ANGPT1: variants seen among roughly 807,000 people sequenced by gnomAD.
ANGPT1 encodes angiopoietin 1.
Under a neutral mutation model 62.2 loss-of-function variants are expected in ANGPT1, and 17 were observed. The observed-to-expected ratio is 0.27, with a 90% CI of 0.19 to 0.41. The LOEUF is 0.41. ANGPT1 is among the 10% of genes least tolerant of loss of function. The pLI is 1.00. For synonymous variants in ANGPT1, 199 were observed against 198.9 expected (o/e 1.00, Z 0.00); for missense variants, 478 against 594.9 (o/e 0.80, Z 2.04).
intron 1 of ANGPT1, among the ~76,000 whole-genome samples, chr8:107,358,541 A>C (rs201657882): frequency 6.6e-6 from 1 of 152,202 alleles, no homozygotes; most frequent in African/African-American, 2.4e-5. Flanking sequence ...AGAATTAACC[A>C]TACACCACAA....
intron 1 of ANGPT1, among the ~76,000 whole-genome samples, chr8:107,357,862 G>T (rs761526253): frequency 6.6e-6 from 1 of 152,054 alleles, no homozygotes; most frequent in South Asian, 2.1e-4. Flanking sequence ...AAATTGGAAG[G>T]TATTAACACT....
intron 1 of ANGPT1, among the ~76,000 whole-genome samples, chr8:107,439,321 G>A (rs59014820): frequency 5.9e-5 from 9 of 152,156 alleles, no homozygotes; most frequent in Admixed American, 2.6e-4. Context: ...TCTGTAAAAC[G>A]GAGATAATAA....
intron 7 of ANGPT1, among the ~76,000 whole-genome samples, chr8:107,278,575 G>T (rs987624549): frequency 1.3e-5 from 2 of 152,178 alleles, no homozygotes; most frequent in Non-Finnish European, 2.9e-5. Flanking sequence ...CTAAGCTGGG[G>T]TTGGCTAAAA....
chr8:107,357,912 A>G lies in ANGPT1; in HGVS notation c.298-10815T>C, dbSNP rs185293423. On this transcript the variant is annotated intron_variant, in intron 1 of 8. Transcript: ENST00000517746. ...TTTCAATAAAATCCTTCACTGTTCA[A>G]CACTCTGACTTTTTAGGCTGTTATT... 1.1e-3 allele frequency among the ~76,000 whole-genome samples: 173 copies of G among 152,316 alleles called. 1 individual carries two copies. Among genetic ancestry groups the G allele is most frequent in the African/African-American group, 3.6e-3 (149 of 41,574 alleles).
chr8:107,414,885 C>A (rs1343531149), intron 1 of ANGPT1, among the ~76,000 whole-genome samples: 22 of 152,140 alleles, frequency 1.4e-4, no homozygotes, highest in Non-Finnish European at 1.5e-4. Context: ...AGTATGACAT[C>A]ACTTTCCACA....
chr8:107,335,603 T>C (rs1398403372), intron 3 of ANGPT1, among the ~76,000 whole-genome samples: 1 of 152,216 alleles, frequency 6.6e-6, no homozygotes, highest in Admixed American at 6.5e-5. Context: ...AAATTTACTA[T>C]GTCCAAAGTA....
chr8:107,369,885 C>T (rs1378403489), intron 1 of ANGPT1, among the ~76,000 whole-genome samples: 1 of 152,034 alleles, frequency 6.6e-6, no homozygotes, highest in Non-Finnish European at 1.5e-5. Context: ...GCAGCAGCCT[C>T]CCAGCTACTT....
At chr8:107,368,493 T>TCTTAAGA (rs374019921) in intron 1 of ANGPT1, among the ~76,000 whole-genome samples, 128 of 43,844 alleles carry the variant, frequency 2.9e-3, no homozygotes, top group Middle Eastern at 0.031. Context: ...TATACTTATT[T>TCTTAAGA]ATAAGTATAT....
At chr8:107,365,914 G>A (rs1816264040) in intron 1 of ANGPT1, among the ~76,000 whole-genome samples, 1 of 148,122 alleles carries the variant, frequency 6.8e-6, no homozygotes, top group African/African-American at 2.5e-5. Context: ...TACACAAATA[G>A]AAATAAAAGT....
At chr8:107,332,887 T>C (rs1815456101) in intron 3 of ANGPT1, among the ~76,000 whole-genome samples, 1 of 152,228 alleles carries the variant, frequency 6.6e-6, no homozygotes, top group East Asian at 1.9e-4. Flanking sequence ...TAGAAATAGC[T>C]TCTTGTTGCA....
intron 1 of ANGPT1, among the ~76,000 whole-genome samples, chr8:107,402,791 A>G (rs548344836): frequency 1.3e-5 from 2 of 152,292 alleles, no homozygotes; most frequent in African/African-American, 4.8e-5. Context: ...AAAATCATAA[A>G]TTCTGGTTAT....
At chr8:107,356,141 T>C (rs555384935) in intron 1 of ANGPT1, among the ~76,000 whole-genome samples, 13 of 152,322 alleles carry the variant, frequency 8.5e-5, no homozygotes, top group African/African-American at 2.9e-4. Flanking sequence ...GCATTAATGA[T>C]GTACATAGCT....
intron 1 of ANGPT1, among the ~76,000 whole-genome samples, chr8:107,446,425 A>G (rs1333088537): frequency 6.6e-6 from 1 of 152,346 alleles, no homozygotes; most frequent in East Asian, 1.9e-4. Context: ...ACAATACAGT[A>G]AGCAGCATAT....
intron 2 of ANGPT1, among the ~76,000 whole-genome samples, chr8:107,343,550 C>A (rs1031344795): frequency 6.6e-6 from 1 of 152,098 alleles, no homozygotes; most frequent in African/African-American, 2.4e-5. Flanking sequence ...CAGAGCACAG[C>A]CATTGGTGAG....
intron 2 of ANGPT1, among the ~76,000 whole-genome samples, chr8:107,338,692 A>G (rs60186919): frequency 0.044 from 6,629 of 152,316 alleles, 466 homozygotes; most frequent in African/African-American, 0.15. Flanking sequence ...AGTTTGGAGT[A>G]GCTCAGTGGG....
At chr8:107,367,501 T>G (rs1480900035) in intron 1 of ANGPT1, among the ~76,000 whole-genome samples, 2 of 152,144 alleles carry the variant, frequency 1.3e-5, no homozygotes, top group Non-Finnish European at 2.9e-5. Flanking sequence ...AAGTTATCCA[T>G]ATCAATTGAC....
rs1563631565 is a variant in ANGPT1 at position 107,457,855 on chromosome 8, CACACACACACA to C, written c.297+39396_297+39406del. The stretch of plus-strand genomic sequence containing the variant: ...ACACACACACACACACACACACACA[CACACACACACA>C]CCAAGAGGGGAAAAAAATACCTATG... On this transcript the variant is annotated intron_variant, in intron 1 of 8. Transcript: ENST00000517746. Among the ~76,000 whole-genome samples the C allele has an allele frequency of 1.6e-4, 24 of 150,572 alleles. 1 individual carries two copies. The highest frequency in any genetic ancestry group is 1.4e-3 in the East Asian group (7 of 5,138).
chr8:107,420,013 A>C (rs1810856697), intron 1 of ANGPT1, among the ~76,000 whole-genome samples: 1 of 152,160 alleles, frequency 6.6e-6, no homozygotes. Context: ...AGGTTTAGAG[A>C]GGATTAGGGC....
At chr8:107,317,545 A>G (rs1401472148) in intron 4 of ANGPT1, among the ~76,000 whole-genome samples, 1 of 151,702 alleles carries the variant, frequency 6.6e-6, no homozygotes, top group African/African-American at 2.4e-5. Flanking sequence ...TAAATTCCCA[A>G]TTATATATTT....
Sources: allele counts gnomAD v4.1 joint callset (sites outside exome capture counted in the v4.1 genomes callset), GRCh38; gene constraint gnomAD v4.1.1; transcripts MANE v1.5; gene names NCBI Gene and HGNC (gene_info 2026-07-23, HGNC 2026-07-21).